DYNC1H1: variants seen among roughly 807,000 people sequenced by gnomAD.
DYNC1H1 encodes dynein cytoplasmic 1 heavy chain 1.
Under a neutral mutation model 527.1 loss-of-function variants are expected in DYNC1H1, and 51 were observed. The observed-to-expected ratio is 0.10, with a 90% CI of 0.08 to 0.12. The LOEUF (loss-of-function observed/expected upper bound fraction) is 0.12. DYNC1H1 is among the 10% of genes least tolerant of loss of function. The probability of loss-of-function intolerance (pLI) is 1.00; values close to 1 mark genes in which losing one functional copy is unlikely to be tolerated. For missense variants in DYNC1H1, 2,771 were observed against 5,971.8 expected (o/e 0.46, Z 17.66); for synonymous variants, 2,189 against 2,278.8 (o/e 0.96, Z 1.12).
intron 72 of DYNC1H1, among the ~76,000 whole-genome samples, chr14:102,046,344 A>C (rs890741717): frequency 5.3e-5 from 8 of 152,188 alleles, no homozygotes; most frequent in African/African-American, 1.9e-4. Context: ...AAAGCTAAGA[A>C]GACAAGAAAA....
chr14:102,050,098 A>G lies in DYNC1H1; in HGVS notation c.13712A>G (p.Asn4571Ser). ...TTGAAACTTCAAGGGGCCACGTGCA[A>G]CAACAACAAGCTGTCACTGTCCAAT... is the stretch of plus-strand genomic sequence containing the variant. ...TGLKLQGATC[N>S]NNKLSLSNAI... is the part of the protein sequence containing the mutation. The change falls in exon 77 of 78, where the codon AAC becomes AGC. Residue 4571 changes from asparagine to serine, a missense_variant. Around this residue, in one of 32 missense-constraint regions of DYNC1H1, gnomAD observed 106 missense variants for 139.2 expected, o/e 0.76. Transcript: ENST00000360184. 1 of 1,561,664 alleles carries G rather than the reference A, an allele frequency of 6.4e-7. No homozygotes were observed. The highest frequency in any genetic ancestry group is 1.1e-5 in the South Asian group (1 of 89,610).
At position 101,983,647 on chromosome 14, in the gene DYNC1H1, GTTTTTGTTTTGT is replaced by G. The variant is rs747718862; in HGVS notation, c.1461+48_1461+59del. On this transcript the variant is annotated intron_variant, in intron 7 of 77. Coordinates refer to ENST00000360184, the MANE Select transcript of DYNC1H1 (RefSeq NM_001376.5). The surrounding 1 kb of genome is among the most constrained non-coding windows in gnomAD (Gnocchi z 5.3). Reference sequence around the variant, plus strand: ...TTCTAAAAGTTTGTGTTTTGTTTTTGTTTTTGTTTTGTTTTTTGTTTGGTGTTTTTTTTTTGT... The same window carrying G: ...TTCTAAAAGTTTGTGTTTTGTTTTTGTTTTTGTTTGGTGTTTTTTTTTTGT... The G allele has an allele frequency of 3.1e-6, 5 of 1,589,290 alleles. No homozygotes were observed. The highest frequency in any genetic ancestry group is 4.3e-6 in the Non-Finnish European group (5 of 1,165,610).
At position 102,039,800 on chromosome 14, in the gene DYNC1H1, T is replaced by C. The variant is rs2048623082; in HGVS notation, c.11690+68T>C. The stretch of plus-strand genomic sequence containing the variant: ...GGCCCCCAAGGGTTTCATGATCAGA[T>C]ACATGCTTTTATTATTTCTTTTATT... On this transcript the variant is annotated intron_variant, in intron 62 of 77. Coordinates refer to ENST00000360184, the MANE Select transcript of DYNC1H1 (RefSeq NM_001376.5). The surrounding 1 kb of genome is among the most constrained non-coding windows in gnomAD (Gnocchi z 7.0). 1 of 1,482,402 alleles carries C rather than the reference T, an allele frequency of 6.7e-7. No homozygotes were observed. The highest frequency in any genetic ancestry group is 9.4e-7 in the Non-Finnish European group (1 of 1,063,710). The allele number at this position is 1,482,402 out of a possible 1,614,324, so 91.8% of individuals were successfully genotyped here.
intron 48 of DYNC1H1, chr14:102,028,523 A>C: frequency 3.0e-6 from 1 of 338,264 alleles, no homozygotes; most frequent in South Asian, 2.4e-5. Flanking sequence ...TCAAAACAAC[A>C]TAAATAGACC....
At chr14:102,026,385 C>T (rs776010365) in intron 43 of DYNC1H1, among the ~76,000 whole-genome samples, 189 bp from the exon 44 acceptor site, 13 of 152,080 alleles carry the variant, frequency 8.5e-5, no homozygotes, top group Non-Finnish European at 1.6e-4. Context: ...GTTCAGTTTT[C>T]TCTATAAAAG....
rs141961494 is a variant in DYNC1H1, at chr14:102,050,509, G to A, written c.13887G>A (p.Lys4629=). ...IFTVDFEIAT[K]EDPRSFYERG... is the part of the protein sequence containing the mutation. ...CCGTGGACTTCGAAATTGCTACAAA[G>A]GAGGATCCTCGCAGCTTCTACGAGC... Residue 4629 remains lysine (K), a synonymous_variant, in exon 78 of 78, where the codon AAG becomes AAA. Coordinates refer to ENST00000360184, the MANE Select transcript of DYNC1H1 (RefSeq NM_001376.5). 2.3e-5 allele frequency: 37 copies of A among 1,614,068 alleles called. No homozygotes were observed. Among genetic ancestry groups the A allele is most frequent in the Non-Finnish European group, 2.8e-5 (33 of 1,180,032 alleles).
Position 102,015,067 on chromosome 14 carries a change from A to G in DYNC1H1, c.7015-38A>G, listed in dbSNP as rs77775506. 1.1e-3 allele frequency: 1,808 copies of G among 1,611,420 alleles called. 21 individuals carry two copies. The African/African-American group carries it at 0.022, about 20-fold the overall frequency. Reference sequence around the variant, plus strand: ...ATCTTAATGTCCAGGTTTCTTCCAAACCTATGTCATTAAATCTGCTTAATG... The same window carrying G: ...ATCTTAATGTCCAGGTTTCTTCCAAGCCTATGTCATTAAATCTGCTTAATG... On this transcript the variant is annotated intron_variant, in intron 34 of 77. Transcript: ENST00000360184. This position sits in a 1 kb window ranked among gnomAD's most constrained non-coding sequence, Gnocchi z 6.9.
At chr14:102,021,650 CTTTT>C (rs1335918177) in intron 42 of DYNC1H1, among the ~76,000 whole-genome samples, 1 of 127,686 alleles carries the variant, frequency 7.8e-6, no homozygotes, top group Non-Finnish European at 1.6e-5. Flanking sequence ...TTTCTTTTTT[CTTTT>C]TCTTTTTTTT....
At chr14:102,034,209 A>T in intron 55 of DYNC1H1, 21 bp downstream of exon 55, 1 of 1,614,204 alleles carries the variant, frequency 6.2e-7, no homozygotes, top group East Asian at 2.2e-5. Context: ...CGGGGAGTTC[A>T]AAAAGGATGT....
In DYNC1H1 at chr14:101,994,428, A is replaced by G. The variant is rs140477517; in HGVS notation, c.3156+104A>G. On this transcript the variant is annotated intron_variant, in intron 12 of 77. Transcript: ENST00000360184. ...GAGCTAAAAGGTCTTGACTGTATGTATGGTTCACTAGATACTATTTGCTGT... is the reference window on the plus strand; with the variant it reads ...GAGCTAAAAGGTCTTGACTGTATGTGTGGTTCACTAGATACTATTTGCTGT... 5.4e-4 allele frequency: 821 copies of G among 1,528,516 alleles called. 8 individuals carry two copies. The East Asian group carries it at 0.014, about 25-fold the overall frequency. The allele number at this position is 1,528,516 out of a possible 1,614,324, so 94.7% of individuals were successfully genotyped here.
chr14:101,970,716 C>T (rs1190165755), intron 1 of DYNC1H1, among the ~76,000 whole-genome samples: 1 of 152,004 alleles, frequency 6.6e-6, no homozygotes, highest in Non-Finnish European at 1.5e-5. Context: ...CTCCTGACCT[C>T]AGGTGATCCG....
At position 102,044,401 on chromosome 14, in the gene DYNC1H1, G is replaced by A. The variant is rs1434208432; in HGVS notation, c.12812G>A (p.Arg4271His). ...CGTCTGCTCAACACCTTCCTGGAGC[G>A]CCTGTTCACAACCAGGAGTTTCGAC... ...DQRLLNTFLE[R>H]LFTTRSFDSE... The change falls in exon 71 of 78, where the codon CGC becomes CAC. Residue 4271 changes from arginine to histidine, a missense_variant. By Grantham distance (29) the Arg-to-His change is conservative (BLOSUM62 0). Transcript: ENST00000360184. The surrounding 1 kb of genome is among the most constrained non-coding windows in gnomAD (Gnocchi z 7.1). The A allele has an allele frequency of 5.6e-6, 9 of 1,614,048 alleles. No individual in the cohort carries two copies. The highest frequency in any genetic ancestry group is 2.7e-5 in the African/African-American group (2 of 74,946).
rs768412046 is a variant in DYNC1H1, at chr14:102,017,332, T to C, written c.8055+38T>C. The C allele has an allele frequency of 2.5e-5, 41 of 1,614,116 alleles. No individual in the cohort carries two copies. The highest frequency in any genetic ancestry group is 1.7e-6 in the Non-Finnish European group (2 of 1,180,042). On this transcript the variant is annotated intron_variant, in intron 39 of 77. Coordinates refer to ENST00000360184, the MANE Select transcript of DYNC1H1 (RefSeq NM_001376.5). The surrounding 1 kb of genome is among the most constrained non-coding windows in gnomAD (Gnocchi z 4.6). ...CCACAAGGCCCTTCCTGCCCCACAA[T>C]GTTTCTTGTTCAAGTTTTGCTCTTA... is the stretch of plus-strand genomic sequence containing the variant.
In DYNC1H1 at chr14:101,979,429, T is replaced by A. The variant is rs549896767; in HGVS notation, c.455T>A (p.Phe152Tyr). The A allele has an allele frequency of 4.3e-6, 7 of 1,614,208 alleles. No individual in the cohort carries two copies. The South Asian group carries it at 7.7e-5, about 18-fold the overall frequency. The change falls in exon 3 of 78, where the codon TTC becomes TAC. Residue 152 changes from phenylalanine to tyrosine, a missense_variant. Physicochemically the swap from Phe to Tyr is conservative, Grantham distance 22 (BLOSUM62 3). This residue lies in a region of DYNC1H1 where 146 missense variants were observed against 288.1 expected (regional missense o/e 0.51). Transcript: ENST00000360184. This position sits in a 1 kb window ranked among gnomAD's most constrained non-coding sequence, Gnocchi z 4.6. The part of the protein sequence containing the change: ...EDSPYETLHS[F>Y]ISNAVAPFFK... ...TCGCCCTACGAAACTTTGCATTCTT[T>A]CATTAGCAATGCAGTGGCTCCTTTT... is the stretch of plus-strand genomic sequence containing the variant.
rs1276971937 is a variant in DYNC1H1 at position 102,017,606 on chromosome 14, A to G, written c.8177+102A>G. ...CCTGGTTTTGATAATAAAGACAACAATACTGCTTATTGTGGATTCCTCTTG... is the reference window on the plus strand; with the variant it reads ...CCTGGTTTTGATAATAAAGACAACAGTACTGCTTATTGTGGATTCCTCTTG... On this transcript the variant is annotated intron_variant, in intron 40 of 77. Transcript: ENST00000360184. This position sits in a 1 kb window ranked among gnomAD's most constrained non-coding sequence, Gnocchi z 4.6. The G allele has an allele frequency of 1.9e-6, 3 of 1,579,102 alleles. No homozygotes were observed. The highest frequency in any genetic ancestry group is 2.6e-6 in the Non-Finnish European group (3 of 1,150,794).
intron 29 of DYNC1H1, chr14:102,009,541 C>T: frequency 1.2e-5 from 4 of 328,206 alleles, no homozygotes; most frequent in South Asian, 3.5e-5. Context: ...TGGACTGCAT[C>T]TCTATCTCGA....
Position 101,983,123 on chromosome 14 carries a change from G to T in DYNC1H1, c.1066G>T (p.Ala356Ser). The T allele has an allele frequency of 1.9e-6, 3 of 1,614,140 alleles. No homozygotes were observed. Among genetic ancestry groups the T allele is most frequent in the Non-Finnish European group, 2.5e-6 (3 of 1,180,030 alleles). The change falls in exon 6 of 78, where the codon GCG (alanine) becomes TCG (serine). Residue 356 changes from alanine to serine, a missense_variant. Around this residue, in one of 32 missense-constraint regions of DYNC1H1, gnomAD observed 264 missense variants for 619.4 expected, o/e 0.43. Coordinates refer to ENST00000360184, the MANE Select transcript of DYNC1H1 (RefSeq NM_001376.5). This position sits in a 1 kb window ranked among gnomAD's most constrained non-coding sequence, Gnocchi z 5.3. ...SATELDKIRQ[A>S]LVAIFTHLRK... ...CACGGAGCTGGACAAAATAAGACAG[G>T]CGCTTGTTGCCATTTTCACACATTT...
rs2048847772 is a variant in DYNC1H1, at chr14:102,053,752, T to TTTTTTG, written c.*3194_*3195insGTTTTT. On this transcript the variant is annotated 3_prime_UTR_variant, in exon 78 of 78. Coordinates refer to ENST00000360184, the MANE Select transcript of DYNC1H1 (RefSeq NM_001376.5). ...CCACCACACTCGGCCTCTTTGTTTGTTTTTTTTTTTTTTTGAGACAGTCTG... is the reference window on the plus strand; with the variant it reads ...CCACCACACTCGGCCTCTTTGTTTGTTTTTTGTTTTTTTTTTTTTTGAGACAGTCTG... The TTTTTTG allele has an allele frequency of 9.1e-6, 1 of 110,412 alleles. No homozygotes were observed. Among genetic ancestry groups the TTTTTTG allele is most frequent in the African/African-American group, 3.9e-5 (1 of 25,376 alleles). The allele number at this position is 110,412 out of a possible 1,614,324, so 6.8% of individuals were successfully genotyped here.
chr14:101,990,374 G>C (rs1166851417), intron 10 of DYNC1H1, among the ~76,000 whole-genome samples: 1 of 152,136 alleles, frequency 6.6e-6, no homozygotes, highest in Non-Finnish European at 1.5e-5. Context: ...AGTTCATTGA[G>C]TACCTGTTGT....
Sources: gnomAD v4.1 joint callset for allele counts (sites outside exome capture counted in the v4.1 genomes callset) on GRCh38, gnomAD v4.1.1 for gene constraint, gnomAD v4.1.1 regional missense constraint, Gnocchi (gnomAD v3.1) non-coding constraint, MANE v1.5 for transcripts, NCBI Gene and HGNC (gene_info 2026-07-23, HGNC 2026-07-21) for gene names.